The following DHRSX variants were observed in gnomAD, a reference collection of about 807,000 sequenced individuals.
DHRSX encodes the protein dehydrogenase/reductase X-linked, also known as polyprenol dehydrogenase.
Under a neutral mutation model 34.0 loss-of-function variants are expected in DHRSX, and 31 were observed. The ratio of observed to expected loss-of-function variants is 0.91; its 90% CI spans 0.69 to 1.23. The LOEUF is 1.23. Ranked by LOEUF, DHRSX falls within the 50% of genes most tolerant of loss-of-function variation. DHRSX has a pLI of 0.00. For synonymous variants in DHRSX, 201 were observed against 183.8 expected (o/e 1.09, Z -0.76); for missense variants, 414 against 428.1 (o/e 0.97, Z 0.29).
chrX:2,339,276 CA>C (rs2042610656), intron 3 of DHRSX, among the ~76,000 whole-genome samples: 1 of 151,908 alleles, frequency 6.6e-6, no homozygotes, highest in Non-Finnish European at 1.5e-5. Flanking sequence ...GCTGGGATTA[CA>C]GGTGTGTGCC....
intron 3 of DHRSX, among the ~76,000 whole-genome samples, chrX:2,385,283 T>G (rs190340798): frequency 2.0e-3 from 310 of 152,200 alleles, no homozygotes; most frequent in Admixed American, 2.7e-3. Context: ...ATTTGGAAAT[T>G]CATCCATGAA....
chrX:2,457,851 G>A (rs1375091451), intron 1 of DHRSX, among the ~76,000 whole-genome samples: 2 of 151,520 alleles, frequency 1.3e-5, no homozygotes, highest in African/African-American at 2.4e-5. Context: ...CCACCACCAT[G>A]TACACACTGA....
At chrX:2,419,750 T>C (rs2043748458) in intron 2 of DHRSX, among the ~76,000 whole-genome samples, 1 of 133,690 alleles carries the variant, frequency 7.5e-6, no homozygotes, top group African/African-American at 2.9e-5. Flanking sequence ...TTCTCACTCA[T>C]AGGTGGGAAC....
intron 1 of DHRSX, chrX:2,487,066 G>A (rs2044958239): frequency 6.6e-6 from 1 of 152,178 alleles, no homozygotes; most frequent in African/African-American, 2.4e-5. Flanking sequence ...CAAGCAATAT[G>A]CTAAGCCTCC....
At chrX:2,294,225 A>C (rs1177241416) in intron 3 of DHRSX, among the ~76,000 whole-genome samples, 1 of 152,086 alleles carries the variant, frequency 6.6e-6, no homozygotes, top group Non-Finnish European at 1.5e-5. Context: ...TAAAAGGGAC[A>C]AAGAGAGAAA....
intron 3 of DHRSX, among the ~76,000 whole-genome samples, chrX:2,364,453 T>C (rs2042975039): frequency 6.6e-6 from 1 of 152,220 alleles, no homozygotes. Context: ...TGACAGATTG[T>C]ATGCATATGT....
At chrX:2,367,866 AG>A (rs2124595763) in intron 3 of DHRSX, among the ~76,000 whole-genome samples, 1 of 152,280 alleles carries the variant, frequency 6.6e-6, no homozygotes, top group East Asian at 1.9e-4. Context: ...CATTTTTAGA[AG>A]GCACATTGAA....
At chrX:2,261,452 G>A (rs2041362546) in intron 5 of DHRSX, 1 of 151,874 alleles carries the variant, frequency 6.6e-6, no homozygotes, top group Non-Finnish European at 1.5e-5. Flanking sequence ...TGTTCTGGAT[G>A]TGATCTGCTT....
chrX:2,339,733 T>G (rs1254116943), intron 3 of DHRSX, among the ~76,000 whole-genome samples: 2 of 152,106 alleles, frequency 1.3e-5, no homozygotes, highest in African/African-American at 4.8e-5. Context: ...TATTCCATGG[T>G]GTCTATGTGC....
rs184986113 is a variant in DHRSX at position 2,270,990 on chromosome X, T to C, written c.389-4043A>G. Among the ~76,000 whole-genome samples the C allele has an allele frequency of 1.6e-3, 249 of 152,290 alleles. 1 individual carries two copies. Among genetic ancestry groups the C allele is most frequent in the African/African-American group, 5.9e-3 (244 of 41,560 alleles). ...GTAAAATGGACCAGTCAGCAGGATG[T>C]GGGCGGGGCCAAATAAGGGAATAAA... is the stretch of plus-strand genomic sequence containing the variant. On this transcript the variant is annotated intron_variant, in intron 4 of 6. Transcript: ENST00000334651.
chrX:2,336,521 A>G (rs752859915), intron 3 of DHRSX: 1 of 152,232 alleles, frequency 6.6e-6, no homozygotes, highest in East Asian at 1.9e-4. Flanking sequence ...ACTTGTCATC[A>G]GTACTGGGGT....
intron 5 of DHRSX, among the ~76,000 whole-genome samples, chrX:2,254,019 C>A (rs1226142108): frequency 3.3e-5 from 5 of 151,966 alleles, no homozygotes; most frequent in Non-Finnish European, 7.4e-5. Context: ...TGAGATCACA[C>A]CCTGCACTCC....
At chrX:2,320,762 A>C (rs2042301331) in intron 3 of DHRSX, among the ~76,000 whole-genome samples, 1 of 151,536 alleles carries the variant, frequency 6.6e-6, no homozygotes, top group Non-Finnish European at 1.5e-5. Flanking sequence ...ACCCCTCCTT[A>C]CACAATCAGA....
In DHRSX at chrX:2,266,775, G is replaced by A. The variant is rs767070670; in HGVS notation, c.561C>T (p.Tyr187=). The part of the protein sequence containing the change: ...RVVTVSSATH[Y]VAELNMDDLQ... ...GGTCATCCATGTTCAGCTCAGCGAC[G>A]TAATGGGTGGCAGAGGAGACGGTGA... Residue 187 remains tyrosine, a synonymous_variant, in exon 5 of 7, where the codon TAC becomes TAT. Coordinates refer to ENST00000334651, the MANE Select transcript of DHRSX (RefSeq NM_145177.3). The A allele has an allele frequency of 6.2e-6, 10 of 1,613,862 alleles. No homozygotes were observed. The South Asian group carries it at 6.6e-5, about 11-fold the overall frequency.
At position 2,326,391 on chromosome X, in the gene DHRSX, C is replaced by T. The variant is rs746340336; in HGVS notation, c.287-34788G>A. Among the ~76,000 whole-genome samples, 343 of 152,212 alleles carry T rather than the reference C, an allele frequency of 2.3e-3. 2 individuals are homozygous for T. Among genetic ancestry groups the T allele is most frequent in the African/African-American group, 7.8e-3 (326 of 41,548 alleles). On this transcript the variant is annotated intron_variant, in intron 3 of 6. Coordinates refer to ENST00000334651, the MANE Select transcript of DHRSX (RefSeq NM_145177.3). ...TACAAAAATTAGCCGGGCGTGGTGGCAGGCACCTGTAATCCCAGCTACTCG... is the reference window on the plus strand; with the variant it reads ...TACAAAAATTAGCCGGGCGTGGTGGTAGGCACCTGTAATCCCAGCTACTCG...
At chrX:2,409,479 T>A (rs897924176) in intron 2 of DHRSX, among the ~76,000 whole-genome samples, 15 of 152,080 alleles carry the variant, frequency 9.9e-5, no homozygotes, top group Non-Finnish European at 2.1e-4. Context: ...CCTGTGTCCA[T>A]GCGTTCTCAT....
intron 1 of DHRSX, among the ~76,000 whole-genome samples, chrX:2,441,287 C>T (rs933540640): frequency 1.3e-5 from 2 of 152,114 alleles, no homozygotes; most frequent in Non-Finnish European, 2.9e-5. Flanking sequence ...GGGGAAGAGG[C>T]CTGGTCCCTG....
chrX:2,473,676 C>G (rs1440087627), intron 1 of DHRSX, among the ~76,000 whole-genome samples: 2 of 140,970 alleles, frequency 1.4e-5, no homozygotes, highest in Non-Finnish European at 3.0e-5. Context: ...AGCCAGGACA[C>G]AAGCCCCTTC....
chrX:2,223,797 T>G (rs776133955), intron 6 of DHRSX, among the ~76,000 whole-genome samples: 1 of 152,336 alleles, frequency 6.6e-6, no homozygotes, highest in Non-Finnish European at 1.5e-5. Flanking sequence ...AAAGCCGGCA[T>G]TCTTCTTCCT....
Sources: gnomAD v4.1 joint callset for allele counts (sites outside exome capture counted in the v4.1 genomes callset) on GRCh38, gnomAD v4.1.1 for gene constraint, MANE v1.5 for transcripts, NCBI Gene and HGNC (gene_info 2026-07-23, HGNC 2026-07-21) for gene names.